Variants in GPC6 observed in about 807,000 individuals in gnomAD.
GPC6 encodes glypican-6.
GPC6 carries 14 observed loss-of-function variants against 55.2 expected under a neutral mutation model. That is an observed-to-expected ratio of 0.25 (90% CI 0.17 to 0.40). The LOEUF is 0.40. GPC6 is among the 10% of genes least tolerant of loss of function. The pLI, the probability that GPC6 is intolerant of heterozygous loss-of-function variation, is 1.00. For missense variants in GPC6, 641 were observed against 708.5 expected (o/e 0.90, Z 1.08); for synonymous variants, 278 against 259.6 (o/e 1.07, Z -0.68).
In GPC6 at chr13:93,511,643, G is replaced by A. The variant is rs1594226071; in HGVS notation, c.161-33620G>A. Reference sequence around the variant, plus strand: ...AGCTTTGTTCTTTTTGCTAAGGATTGCTTTGGCTATTTGGAGTCTGGTTCC... The same window carrying A: ...AGCTTTGTTCTTTTTGCTAAGGATTACTTTGGCTATTTGGAGTCTGGTTCC... On this transcript the variant is annotated intron_variant, in intron 1 of 8. Coordinates refer to ENST00000377047, the MANE Select transcript of GPC6 (RefSeq NM_005708.5). Among the ~76,000 whole-genome samples the A allele has an allele frequency of 2.6e-5, 4 of 152,038 alleles. No homozygotes were observed. The East Asian group carries it at 7.7e-4, about 29-fold the overall frequency.
intron 6 of GPC6, among the ~76,000 whole-genome samples, chr13:94,361,929 T>C (rs1304511305): frequency 6.6e-6 from 1 of 152,246 alleles, no homozygotes; most frequent in African/African-American, 2.4e-5. Flanking sequence ...AAATAAATGG[T>C]AATGCCATTA....
At position 93,765,693 on chromosome 13, in the gene GPC6, C is replaced by G. The variant is rs1432997258; in HGVS notation, c.320-64461C>G. ...TGGTAAATTACATAGCACCCTAAAG[C>G]TACAGAAATACAGGACAATTAATGA... On this transcript the variant is annotated intron_variant, in intron 2 of 8. Transcript: ENST00000377047. 2.6e-5 allele frequency among the ~76,000 whole-genome samples: 4 copies of G among 152,112 alleles called. No individual in the cohort carries two copies. The East Asian group carries it at 7.7e-4, about 29-fold the overall frequency.
At chr13:93,618,970 T>TTAGTC (rs2139553672) in intron 2 of GPC6, among the ~76,000 whole-genome samples, 1 of 152,258 alleles carries the variant, frequency 6.6e-6, no homozygotes, top group African/African-American at 2.4e-5. Context: ...CCTATTGCTC[T>TTAGTC]TAGTCTACAA....
intron 1 of GPC6, among the ~76,000 whole-genome samples, chr13:93,286,503 C>G (rs534381945): frequency 1.4e-4 from 22 of 152,278 alleles, no homozygotes; most frequent in South Asian, 4.1e-4. Context: ...GTTAATGACT[C>G]TAACACATCT....
chr13:93,791,299 TA>T (rs945784579), intron 2 of GPC6, among the ~76,000 whole-genome samples: 13 of 152,302 alleles, frequency 8.5e-5, no homozygotes, highest in Middle Eastern at 3.4e-3. Flanking sequence ...CCCTGTCTTG[TA>T]AAAAACTGCA....
intron 1 of GPC6, among the ~76,000 whole-genome samples, chr13:93,253,591 C>T (rs1876856225): frequency 6.6e-6 from 1 of 152,082 alleles, no homozygotes; most frequent in Non-Finnish European, 1.5e-5. Context: ...TGAAGGTAAC[C>T]ATGGCTGGGA....
At chr13:94,351,664 G>C (rs1349454078) in intron 6 of GPC6, among the ~76,000 whole-genome samples, 1 of 152,076 alleles carries the variant, frequency 6.6e-6, no homozygotes, top group Non-Finnish European at 1.5e-5. Flanking sequence ...ATGCAAATCT[G>C]TGGCTATGTC....
chr13:93,994,220 G>A (rs945679470), intron 3 of GPC6, among the ~76,000 whole-genome samples: 1 of 152,082 alleles, frequency 6.6e-6, no homozygotes, highest in Admixed American at 6.6e-5. Flanking sequence ...TTAAGTAAGG[G>A]CATGAATCCA....
upstream of GPC6, among the ~76,000 whole-genome samples, chr13:93,223,019 C>CT (rs3073915): frequency 0.17 from 17,241 of 100,384 alleles, 2,021 homozygotes; most frequent in Non-Finnish European, 0.19. Context: ...AGGGAAAACA[C>CT]TTTTTTTTTT....
rs570786193 is a variant in GPC6 at position 94,125,219 on chromosome 13, C to A, written c.877+97325C>A. 2.0e-5 allele frequency among the ~76,000 whole-genome samples: 3 copies of A among 151,980 alleles called. No homozygotes were observed. The South Asian group carries it at 6.2e-4, about 31-fold the overall frequency. Reference sequence around the variant, plus strand: ...GTTATGTAAATTTCTATTTTATGAACCAATAATAGCAATGTATAAACAAGA... The same window carrying A: ...GTTATGTAAATTTCTATTTTATGAAACAATAATAGCAATGTATAAACAAGA... On this transcript the variant is annotated intron_variant, in intron 4 of 8. Coordinates refer to ENST00000377047, the MANE Select transcript of GPC6 (RefSeq NM_005708.5).
At chr13:94,041,432 G>A (rs1883529244) in intron 4 of GPC6, among the ~76,000 whole-genome samples, 1 of 151,836 alleles carries the variant, frequency 6.6e-6, no homozygotes, top group South Asian at 2.1e-4. Flanking sequence ...GAAGGCATTA[G>A]GGGACTTATT....
At chr13:93,940,833 G>A (rs1234615319) in intron 3 of GPC6, among the ~76,000 whole-genome samples, 1 of 152,116 alleles carries the variant, frequency 6.6e-6, no homozygotes, top group Non-Finnish European at 1.5e-5. Context: ...ATAAGAAGAT[G>A]CCTGAGATTT....
chr13:93,506,540 A>G (rs186698900), intron 1 of GPC6, among the ~76,000 whole-genome samples: 4 of 152,048 alleles, frequency 2.6e-5, no homozygotes, highest in African/African-American at 7.2e-5. Context: ...AGGGCTAGGC[A>G]TTTCTGGAGG....
chr13:93,557,952 GTCTTT>G (rs1566423062), intron 2 of GPC6, among the ~76,000 whole-genome samples: 1 of 151,952 alleles, frequency 6.6e-6, no homozygotes, highest in East Asian at 1.9e-4. Flanking sequence ...ACAGTCTACA[GTCTTT>G]TCTTCATTCA....
intron 1 of GPC6, among the ~76,000 whole-genome samples, chr13:93,356,402 A>G (rs533670298): frequency 6.6e-6 from 1 of 152,192 alleles, no homozygotes; most frequent in East Asian, 1.9e-4. Flanking sequence ...ATAGCAAATT[A>G]TTCCATAAAT....
chr13:94,403,786 C>A lies in GPC6; in HGVS notation c.*569C>A. ...GTTTGTTCTAAATGTAGTGAAAATG[C>A]ACTGTTGTCTTGGAGGTATCATCTT... On this transcript the variant is annotated 3_prime_UTR_variant, in exon 9 of 9. Transcript: ENST00000377047. 5.5e-6 allele frequency: 1 copy of A among 181,308 alleles called. No homozygotes were observed. Among genetic ancestry groups the A allele is most frequent in the Non-Finnish European group, 1.2e-5 (1 of 85,172 alleles). The allele number at this position is 181,308 out of a possible 1,614,324, so 11.2% of individuals were successfully genotyped here. A position where few individuals can be genotyped will look rare whatever the true frequency, so the allele number is the denominator to read the frequency against.
intron 1 of GPC6, among the ~76,000 whole-genome samples, chr13:93,425,250 C>A (rs1877082037): frequency 6.6e-6 from 1 of 152,088 alleles, no homozygotes; most frequent in Non-Finnish European, 1.5e-5. Context: ...GGGTACTGGC[C>A]ACTTTAGCAA....
At chr13:93,491,643 T>C (rs1880009871) in intron 1 of GPC6, among the ~76,000 whole-genome samples, 1 of 144,764 alleles carries the variant, frequency 6.9e-6, no homozygotes, top group African/African-American at 2.6e-5. Context: ...CTAGGGTTTT[T>C]ATGGTTTTAG....
At chr13:93,366,256 T>C (rs1443872461) in intron 1 of GPC6, among the ~76,000 whole-genome samples, 1 of 152,120 alleles carries the variant, frequency 6.6e-6, no homozygotes, top group African/African-American at 2.4e-5. Flanking sequence ...TTGAGAAATA[T>C]TTGAAAGCAA....
Sources: allele counts gnomAD v4.1 joint callset (sites outside exome capture counted in the v4.1 genomes callset), GRCh38; gene constraint gnomAD v4.1.1; transcripts MANE v1.5; gene names NCBI Gene and HGNC (gene_info 2026-07-23, HGNC 2026-07-21).